The following TMEM120B variants were observed in gnomAD, a reference collection of about 807,000 sequenced individuals.
TMEM120B encodes the protein transmembrane protein 120B.
In TMEM120B, 31 loss-of-function variants were observed where a neutral mutation model predicts 55.5. That is an observed-to-expected ratio of 0.56 (90% CI 0.42 to 0.75). The LOEUF (loss-of-function observed/expected upper bound fraction) is 0.75. Ranked by LOEUF, TMEM120B falls within the 30% of genes least tolerant of loss-of-function variation. The probability of loss-of-function intolerance (pLI) is 0.00; values close to 1 mark genes in which losing one functional copy is unlikely to be tolerated. For missense variants in TMEM120B, 399 were observed against 425.5 expected (o/e 0.94, Z 0.55); for synonymous variants, 203 against 176.3 (o/e 1.15, Z -1.20).
At chr12:121,738,682 A>G (rs1173276716) in intron 1 of TMEM120B, among the ~76,000 whole-genome samples, 1 of 152,206 alleles carries the variant, frequency 6.6e-6, no homozygotes, top group Non-Finnish European at 1.5e-5. Context: ...TGGACGCTAC[A>G]TAGCGCAGAA....
At chr12:121,719,516 G>A (rs1468289830) in intron 1 of TMEM120B, among the ~76,000 whole-genome samples, 3 of 152,176 alleles carry the variant, frequency 2.0e-5, no homozygotes, top group Non-Finnish European at 4.4e-5. Flanking sequence ...AGTTCAGGAA[G>A]TGGAGGTTGC....
At position 121,775,840 on chromosome 12, in the gene TMEM120B, C is replaced by T. The variant is rs749946433; in HGVS notation, c.*118C>T. ...GGGAGAGGGCCCAGGCCCTGGTCCC[C>T]CAGTGGACCCCAGTGGTCTAGAGGA... is the stretch of plus-strand genomic sequence containing the variant. On this transcript the variant is annotated 3_prime_UTR_variant, in exon 12 of 12. Coordinates refer to ENST00000449592, the MANE Select transcript of TMEM120B (RefSeq NM_001080825.2). The surrounding 1 kb of genome is among the most constrained non-coding windows in gnomAD (Gnocchi z 4.3). 6.1e-6 allele frequency: 6 copies of T among 983,598 alleles called. No homozygotes were observed. The African/African-American group carries it at 6.4e-5, about 10-fold the overall frequency. 60.9% of individuals were successfully genotyped at this position (983,598 alleles called of 1,614,324 possible).
rs1894626488 is a variant in TMEM120B at position 121,712,915 on chromosome 12, G to A, written c.20G>A (p.Arg7His). Residue 7 changes from arginine (R) to histidine (H), a missense_variant, in exon 1 of 12, where the codon CGT becomes CAT. Arg to His is a conservative substitution (Grantham distance 29). Coordinates refer to ENST00000449592, the MANE Select transcript of TMEM120B (RefSeq NM_001080825.2). MSGQLE[R>H]CEREWHELEG... ...CGCATCATGTCCGGGCAGCTGGAGC[G>A]TTGCGAGCGCGAATGGCACGAGCTG... 4 of 1,533,452 alleles carry A rather than the reference G, an allele frequency of 2.6e-6. No individual in the cohort carries two copies. The highest frequency in any genetic ancestry group is 3.5e-6 in the Non-Finnish European group (4 of 1,147,502). The allele number at this position is 1,533,452 out of a possible 1,614,324, so 95.0% of individuals were successfully genotyped here. A position where few individuals can be genotyped will look rare whatever the true frequency, so the allele number is the denominator to read the frequency against.
Position 121,737,882 on chromosome 12 carries a change from C to T in TMEM120B, c.70-5747C>T, listed in dbSNP as rs555908493. ...AAAATTAGTTGGACATGGTGGTGCACGCCTGTAGTCCCAGCTACTTGGGAG... is the reference window on the plus strand; with the variant it reads ...AAAATTAGTTGGACATGGTGGTGCATGCCTGTAGTCCCAGCTACTTGGGAG... On this transcript the variant is annotated intron_variant, in intron 1 of 11. Transcript: ENST00000449592. 1.4e-3 allele frequency among the ~76,000 whole-genome samples: 209 copies of T among 151,740 alleles called. 1 individual carries two copies. Among genetic ancestry groups the T allele is most frequent in the African/African-American group, 4.6e-3 (192 of 41,366 alleles).
intron 7 of TMEM120B, 59 bp downstream of exon 7, chr12:121,771,031 G>A (rs1874029499): frequency 1.3e-6 from 2 of 1,570,850 alleles, no homozygotes; most frequent in African/African-American, 2.7e-5. Context: ...TGGGGCCCGG[G>A]AATGGGGAGG....
intron 1 of TMEM120B, among the ~76,000 whole-genome samples, chr12:121,724,738 G>C (rs1437908152): frequency 6.6e-6 from 1 of 151,762 alleles, no homozygotes; most frequent in East Asian, 1.9e-4. Context: ...AGCCTCTCGA[G>C]TAGCTGGGAC....
At chr12:121,774,868 A>T in intron 10 of TMEM120B, 146 bp downstream of exon 10, 1 of 1,194,222 alleles carries the variant, frequency 8.4e-7, no homozygotes, top group East Asian at 2.6e-5. Flanking sequence ...GGGCCCAGGG[A>T]TGCCAAGGCA....
At position 121,727,536 on chromosome 12, in the gene TMEM120B, CAAAAAA is replaced by C. The variant is rs758470408; in HGVS notation, c.69+14590_69+14595del. On this transcript the variant is annotated intron_variant, in intron 1 of 11. Transcript: ENST00000449592. Reference sequence around the variant, plus strand: ...CGCATGACAGAGAGAGACCCTGTCTCAAAAAAAAAAAAAAAAAAAAAAAGACCGTGC... The same window carrying C: ...CGCATGACAGAGAGAGACCCTGTCTCAAAAAAAAAAAAAAAAAGACCGTGC... Among the ~76,000 whole-genome samples the C allele has an allele frequency of 1.2e-3, 43 of 35,864 alleles. 1 individual carries two copies. Among genetic ancestry groups the C allele is most frequent in the Admixed American group, 2.3e-3 (8 of 3,484 alleles). 23.5% of individuals were successfully genotyped at this position (35,864 alleles called of 152,430 possible).
intron 6 of TMEM120B, among the ~76,000 whole-genome samples, chr12:121,767,397 T>G (rs1873884979): frequency 6.6e-6 from 1 of 152,182 alleles, no homozygotes; most frequent in Non-Finnish European, 1.5e-5. Context: ...CCTGACCTGG[T>G]GATCTGCCCG....
Position 121,775,796 on chromosome 12 carries a change from T to C in TMEM120B, c.*74T>C. ...CCCGGGCTCCTTCCCAGCAGCCCTC[T>C]CAGGCCCGTGGCATCGCTGGGAGAG... On this transcript the variant is annotated 3_prime_UTR_variant, in exon 12 of 12. Coordinates refer to ENST00000449592, the MANE Select transcript of TMEM120B (RefSeq NM_001080825.2). This position sits in a 1 kb window ranked among gnomAD's most constrained non-coding sequence, Gnocchi z 4.3. 1.3e-6 allele frequency: 2 copies of C among 1,516,794 alleles called. No homozygotes were observed. The highest frequency in any genetic ancestry group is 1.8e-6 in the Non-Finnish European group (2 of 1,103,730). 94.0% of individuals were successfully genotyped at this position (1,516,794 alleles called of 1,614,324 possible).
chr12:121,779,830 GAGGGCC>G lies in TMEM120B; in HGVS notation c.*4114_*4119del, dbSNP rs1874382483. ...CCCCTCACAGTGTGTGGGTGGAATGGAGGGCCAGGGCAGTGCAGCCCGCAGGTTGGA... is the reference window on the plus strand; with the variant it reads ...CCCCTCACAGTGTGTGGGTGGAATGGAGGGCAGTGCAGCCCGCAGGTTGGA... On this transcript the variant is annotated 3_prime_UTR_variant, in exon 12 of 12. Coordinates refer to ENST00000449592, the MANE Select transcript of TMEM120B (RefSeq NM_001080825.2). 9 of 702,768 alleles carry G rather than the reference GAGGGCC, an allele frequency of 1.3e-5. No homozygotes were observed. In the East Asian group the frequency reaches 2.5e-4, roughly 19 times the overall value. The allele number at this position is 702,768 out of a possible 1,614,324, so 43.5% of individuals were successfully genotyped here.
intron 1 of TMEM120B, among the ~76,000 whole-genome samples, chr12:121,731,955 G>A (rs939183826): frequency 7.9e-5 from 12 of 152,112 alleles, no homozygotes; most frequent in Non-Finnish European, 1.2e-4. Context: ...TGGCTAACAC[G>A]GTGAAATGCT....
At chr12:121,716,532 G>T in intron 1 of TMEM120B, among the ~76,000 whole-genome samples, 1 of 148,866 alleles carries the variant, frequency 6.7e-6, no homozygotes. Context: ...TAATGTCTCT[G>T]TGTCTTACCT....
Position 121,776,958 on chromosome 12 carries a change from T to G in TMEM120B, c.*1236T>G, listed in dbSNP as rs1192872002. Reference sequence around the variant, plus strand: ...ACACACCACCATGCCCTGCTCCTTTTTTTTTTTTTTTTTTGAGATGGGAGT... The same window carrying G: ...ACACACCACCATGCCCTGCTCCTTTGTTTTTTTTTTTTTTGAGATGGGAGT... On this transcript the variant is annotated 3_prime_UTR_variant, in exon 12 of 12. Coordinates refer to ENST00000449592, the MANE Select transcript of TMEM120B (RefSeq NM_001080825.2). 3 of 148,322 alleles carry G rather than the reference T, an allele frequency of 2.0e-5. No homozygotes were observed. The highest frequency in any genetic ancestry group is 4.5e-5 in the Non-Finnish European group (3 of 66,850). 9.2% of individuals were successfully genotyped at this position (148,322 alleles called of 1,614,324 possible).
At position 121,723,036 on chromosome 12, in the gene TMEM120B, C is replaced by T. The variant is rs375751149; in HGVS notation, c.69+10072C>T. On this transcript the variant is annotated intron_variant, in intron 1 of 11. Transcript: ENST00000449592. Reference sequence around the variant, plus strand: ...GCTAATTTTGTATTTGTAGTAGAGACGGGGTTTCTCCATGTTAGTCAGGCT... The same window carrying T: ...GCTAATTTTGTATTTGTAGTAGAGATGGGGTTTCTCCATGTTAGTCAGGCT... Among the ~76,000 whole-genome samples, 45 of 151,998 alleles carry T rather than the reference C, an allele frequency of 3.0e-4. 1 individual carries two copies. The East Asian group carries it at 5.6e-3, about 19-fold the overall frequency.
In TMEM120B at chr12:121,779,443, G is replaced by T; in HGVS notation, c.*3721G>T. On this transcript the variant is annotated 3_prime_UTR_variant, in exon 12 of 12. Transcript: ENST00000449592. The stretch of plus-strand genomic sequence containing the variant: ...ATGGGGCAGCCTCCCTGGTGCAATC[G>T]GCACCTGGGCCCCCGGGCCCTGTCA... 1 of 1,581,818 alleles carries T rather than the reference G, an allele frequency of 6.3e-7. No individual in the cohort carries two copies.
At chr12:121,730,664 CA>C (rs1021670868) in intron 1 of TMEM120B, among the ~76,000 whole-genome samples, 2 of 95,804 alleles carry the variant, frequency 2.1e-5, no homozygotes, top group African/African-American at 7.8e-5. Context: ...AAAAAAAAAA[CA>C]AACAAAAAAA....
At position 121,761,650 on chromosome 12, in the gene TMEM120B, G is replaced by C; in HGVS notation, c.463G>C (p.Val155Leu). ...CCCGGGGGCTGTTTCCTTGCACAGG[G>C]TGACTGACGAAGTCTTCAACTTCCT... is the stretch of plus-strand genomic sequence containing the variant. The part of the protein sequence containing the change: ...VACRFVLHYR[V>L]TDEVFNFLLV... The change falls in exon 6 of 12, where the codon GTG becomes CTG. Residue 155 changes from valine to leucine, a missense_variant and splice_region_variant. Transcript: ENST00000449592. 2 of 1,613,700 alleles carry C rather than the reference G, an allele frequency of 1.2e-6. No homozygotes were observed. The highest frequency in any genetic ancestry group is 1.7e-6 in the Non-Finnish European group (2 of 1,179,714).
intron 1 of TMEM120B, among the ~76,000 whole-genome samples, chr12:121,736,356 G>GA (rs1895114044): frequency 6.7e-6 from 1 of 148,554 alleles, no homozygotes; most frequent in Non-Finnish European, 1.5e-5. Flanking sequence ...TTTTAGTAGA[G>GA]ACGGGGTTTT....
Sources: gnomAD v4.1 joint callset for allele counts (sites outside exome capture counted in the v4.1 genomes callset) on GRCh38, gnomAD v4.1.1 for gene constraint, Gnocchi (gnomAD v3.1) non-coding constraint, MANE v1.5 for transcripts, NCBI Gene and HGNC (gene_info 2026-07-23, HGNC 2026-07-21) for gene names.